RAB33A: variants seen among roughly 807,000 people sequenced by gnomAD.
The protein encoded by RAB33A is RAB33A, member RAS oncogene family, also known as ras-related protein Rab-33A.
In RAB33A, 6 loss-of-function variants were observed where a neutral mutation model predicts 12.0. The ratio of observed to expected loss-of-function variants is 0.50; its 90% CI spans 0.27 to 0.99. RAB33A has a LOEUF of 0.99. Among genes scored for constraint, RAB33A ranks in the 50% least tolerant of loss-of-function variants. The pLI is 0.11. For synonymous variants in RAB33A, 70 were observed against 82.4 expected, an observed-to-expected ratio of 0.85 and a Z score of 0.81; for missense variants, 109 against 192.0, an observed-to-expected ratio of 0.57 and a Z score of 2.55.
At chrX:130,182,018 A>T (rs773986584) in intron 1 of RAB33A, among the ~76,000 whole-genome samples, 57 of 106,192 alleles carry the variant, frequency 5.4e-4, no homozygotes, top group Middle Eastern at 9.7e-3. Flanking sequence ...TTCTTTAAAA[A>T]GTTATTCAGG....
chrX:130,178,817 A>G (rs939748598), intron 1 of RAB33A, among the ~76,000 whole-genome samples: 1 of 107,786 alleles, frequency 9.3e-6, no homozygotes, highest in African/African-American at 3.4e-5. Context: ...ACGCCCAGCT[A>G]ATTTTTTGTA....
chrX:130,132,217 CGA>C, the RAB33A span, among the ~76,000 whole-genome samples: 6 of 112,028 alleles, frequency 5.4e-5, no homozygotes, highest in Non-Finnish European at 1.1e-4. Flanking sequence ...ATGCAGATCA[CGA>C]GAGATGCCAA....
the RAB33A span, among the ~76,000 whole-genome samples, chrX:130,146,451 A>ATGTGTGTGTGTGTG: frequency 8.7e-4 from 78 of 89,444 alleles, no homozygotes; most frequent in African/African-American, 2.9e-3. Flanking sequence ...CTCTCAAAAT[A>ATGTGTGTGTGTGTG]TGTGTGTGTG....
the RAB33A span, among the ~76,000 whole-genome samples, chrX:130,130,691 C>T: frequency 8.9e-6 from 1 of 112,643 alleles, no homozygotes; most frequent in East Asian, 2.8e-4. Flanking sequence ...GGAACATTTC[C>T]ATCGCAGCAG....
At chrX:130,155,250 G>A in the RAB33A span, 3 of 1,210,087 alleles carry the variant, frequency 2.5e-6, no homozygotes, top group Middle Eastern at 2.3e-4. Context: ...AGATGCTAGT[G>A]ATCTAGAAGG....
chrX:130,162,733 C>T, the RAB33A span, among the ~76,000 whole-genome samples: 54,766 of 110,326 alleles, frequency 0.5, 10,606 homozygotes, highest in African/African-American at 0.71. Flanking sequence ...TAGAGAAAAA[C>T]GTTCAAACAT....
chrX:130,174,122 T>C (rs209552), intron 1 of RAB33A, among the ~76,000 whole-genome samples: 35,451 of 110,978 alleles, frequency 0.32, 4,673 homozygotes, highest in African/African-American at 0.5. Flanking sequence ...TTCCTTCTCT[T>C]CTAACACCCC....
the RAB33A span, among the ~76,000 whole-genome samples, chrX:130,112,308 C>T: frequency 8.2e-3 from 4 of 487 alleles, no homozygotes; most frequent in African/African-American, 0.037. Context: ...GCTGGCCTCT[C>T]ATCCACGAGG....
chrX:130,181,229 C>T (rs1401549101), intron 1 of RAB33A, among the ~76,000 whole-genome samples: 1 of 109,788 alleles, frequency 9.1e-6, no homozygotes, highest in African/African-American at 3.3e-5. Flanking sequence ...AGGGAGATGA[C>T]GGGGAGCCTG....
intron 1 of RAB33A, among the ~76,000 whole-genome samples, chrX:130,182,158 ATATAT>A (rs1164458573): frequency 2.3e-5 from 1 of 42,890 alleles, no homozygotes; most frequent in Admixed American, 2.7e-4. Flanking sequence ...AAAAAAAAAA[ATATAT>A]ATATATATAT....
At chrX:130,143,955 T>G in the RAB33A span, among the ~76,000 whole-genome samples, 1 of 111,835 alleles carries the variant, frequency 8.9e-6, no homozygotes, top group African/African-American at 3.3e-5. Context: ...CGGGCTCAAA[T>G]TCTCTCTCTA....
At chrX:130,130,092 C>T in the RAB33A span, 1 of 1,211,988 alleles carries the variant, frequency 8.3e-7, no homozygotes, top group South Asian at 1.8e-5. Context: ...GCCTGTGGAA[C>T]TGCCGGGGTG....
At chrX:130,153,306 T>A in the RAB33A span, among the ~76,000 whole-genome samples, 1 of 88,977 alleles carries the variant, frequency 1.1e-5, no homozygotes, top group Non-Finnish European at 2.1e-5. Flanking sequence ...TTAGCCGAGA[T>A]CGCGCCACTG....
At chrX:130,175,492 C>CTTTTT (rs5903795) in intron 1 of RAB33A, among the ~76,000 whole-genome samples, 1 of 75,564 alleles carries the variant, frequency 1.3e-5, no homozygotes, top group Non-Finnish European at 2.4e-5. Flanking sequence ...ACTGGGTTTA[C>CTTTTT]TTTTTTTTTT....
chrX:130,135,897 T>C, the RAB33A span: 1 of 772,850 alleles, frequency 1.3e-6, no homozygotes, highest in Admixed American at 2.4e-5. Flanking sequence ...AATCAAGCAG[T>C]TCACACATTT....
the RAB33A span, chrX:130,110,713 T>C: frequency 1.9e-5 from 2 of 103,592 alleles, no homozygotes; most frequent in Non-Finnish European, 4.0e-5. Flanking sequence ...GAGATGCAAA[T>C]ACCAGGTGAG....
At chrX:130,177,583 G>A (rs1296365205) in intron 1 of RAB33A, among the ~76,000 whole-genome samples, 1 of 111,579 alleles carries the variant, frequency 9.0e-6, no homozygotes, top group African/African-American at 3.3e-5. Flanking sequence ...AGAAGGGAGA[G>A]TGTATATTAG....
chrX:130,138,361 A>G, the RAB33A span, among the ~76,000 whole-genome samples: 3 of 111,200 alleles, frequency 2.7e-5, no homozygotes, highest in Admixed American at 9.6e-5. Context: ...GCTACTCGGG[A>G]GGCTGAGGCA....
chrX:130,152,950 C>A, the RAB33A span, among the ~76,000 whole-genome samples: 1 of 110,967 alleles, frequency 9.0e-6, no homozygotes, highest in South Asian at 3.8e-4. Flanking sequence ...GTTTTTGAAG[C>A]TTTGTTTCTT....
Sources: gnomAD v4.1 joint callset for allele counts (sites outside exome capture counted in the v4.1 genomes callset) on GRCh38, gnomAD v4.1.1 for gene constraint, MANE v1.5 for transcripts, NCBI Gene and HGNC (gene_info 2026-07-23, HGNC 2026-07-21) for gene names.